The following CDC14A variants were observed in gnomAD, a reference collection of about 807,000 sequenced individuals.
The protein encoded by CDC14A is dual specificity protein phosphatase CDC14A.
In CDC14A, 53 loss-of-function variants were observed where a neutral mutation model predicts 74.4. The ratio of observed to expected loss-of-function variants is 0.71; its 90% confidence interval spans 0.57 to 0.89. The LOEUF (loss-of-function observed/expected upper bound fraction) is 0.89, where lower values mean the gene tolerates loss of function less well. Ranked by LOEUF, CDC14A falls within the 40% of genes least tolerant of loss-of-function variation. The pLI is 0.00. For synonymous variants in CDC14A, 247 were observed against 258.4 expected, an observed-to-expected ratio of 0.96 and a Z score of 0.43; for missense variants, 646 against 713.7, an observed-to-expected ratio of 0.91 and a Z score of 1.08.
At chr1:100,500,811 AGTGT>A (rs58424420) in intron 15 of CDC14A, among the ~76,000 whole-genome samples, 74,856 of 131,002 alleles carry the variant, frequency 0.57, 22,776 homozygotes, top group South Asian at 0.72. Context: ...ATGAGAATGC[AGTGT>A]GTGTGTGTGT....
In CDC14A at chr1:100,518,473, A is replaced by C. The variant is rs139593034; in HGVS notation, c.*193A>C. On this transcript the variant is annotated 3_prime_UTR_variant, in exon 16 of 16. Transcript: ENST00000336454. The stretch of plus-strand genomic sequence containing the variant: ...ACTGGTTAATGACTACTATAAATGC[A>C]CTGAAACTATGTTTATGGAGATTTC... 6.8e-5 allele frequency: 36 copies of C among 531,724 alleles called. No individual in the cohort carries two copies. Among genetic ancestry groups the C allele is most frequent in the African/African-American group, 6.2e-4 (32 of 51,756 alleles). The allele number at this position is 531,724 out of a possible 1,614,324, so 32.9% of individuals were successfully genotyped here.
intron 2 of CDC14A, among the ~76,000 whole-genome samples, chr1:100,358,569 T>C (rs1467221399): frequency 6.6e-6 from 1 of 152,226 alleles, no homozygotes; most frequent in African/African-American, 2.4e-5. Flanking sequence ...GGGACTGAAT[T>C]TTAAGCAGTT....
chr1:100,456,797 G>A (rs1001588626), intron 8 of CDC14A, among the ~76,000 whole-genome samples: 1 of 152,142 alleles, frequency 6.6e-6, no homozygotes, highest in Non-Finnish European at 1.5e-5. Flanking sequence ...AACTCTGCTT[G>A]AATCATGATT....
intron 15 of CDC14A, among the ~76,000 whole-genome samples, chr1:100,500,987 T>C (rs1241176382): frequency 6.6e-6 from 1 of 151,976 alleles, no homozygotes; most frequent in Non-Finnish European, 1.5e-5. Flanking sequence ...CCCTGTCCTA[T>C]TTTACAGGCA....
At chr1:100,369,617 A>C (rs1654151565) in intron 2 of CDC14A, among the ~76,000 whole-genome samples, 1 of 152,020 alleles carries the variant, frequency 6.6e-6, no homozygotes. Flanking sequence ...TATGGATTCT[A>C]GATATTAGAC....
chr1:100,377,632 T>C lies in CDC14A; in HGVS notation c.216+11T>C. On this transcript the variant is annotated intron_variant, in intron 3 of 15. Coordinates refer to ENST00000336454, the MANE Select transcript of CDC14A (RefSeq NM_003672.4). ...AACAAGAAACTAAAAGTGAGTATTG[T>C]AGTGATATTTATAATTTGGAATTAA... is the stretch of plus-strand genomic sequence containing the variant. 1 of 1,582,052 alleles carries C rather than the reference T, an allele frequency of 6.3e-7. No individual in the cohort carries two copies. Among genetic ancestry groups the C allele is most frequent in the Non-Finnish European group, 8.7e-7 (1 of 1,152,080 alleles).
At chr1:100,514,905 A>C (rs1313620388) in intron 15 of CDC14A, among the ~76,000 whole-genome samples, 1 of 152,268 alleles carries the variant, frequency 6.6e-6, no homozygotes, top group Non-Finnish European at 1.5e-5. Context: ...ATGCAAATGC[A>C]ATTTTACTAT....
intron 4 of CDC14A, among the ~76,000 whole-genome samples, chr1:100,412,447 C>T (rs1265937278): frequency 1.3e-5 from 2 of 151,476 alleles, no homozygotes; most frequent in Admixed American, 1.3e-4. Context: ...AAATGAATTA[C>T]CTGGTGTGTA....
intron 2 of CDC14A, among the ~76,000 whole-genome samples, chr1:100,366,567 A>T (rs917763018): frequency 2.6e-5 from 4 of 152,188 alleles, no homozygotes; most frequent in Non-Finnish European, 5.9e-5. Context: ...CCCAGCTTCT[A>T]TGTCCCTTCA....
At chr1:100,352,068 TGAGA>T (rs1302634177), upstream of CDC14A, among the ~76,000 whole-genome samples, 25 of 146,760 alleles carry the variant, frequency 1.7e-4, no homozygotes, top group African/African-American at 4.7e-4. Context: ...AGAAAGAGAA[TGAGA>T]GAGAGAGAGA....
At chr1:100,420,025 C>CATAT (rs201774531) in intron 4 of CDC14A, among the ~76,000 whole-genome samples, 22 of 66,254 alleles carry the variant, frequency 3.3e-4, no homozygotes, top group African/African-American at 1.3e-3. Flanking sequence ...TATATATATA[C>CATAT]ATATATACAC....
intron 9 of CDC14A, among the ~76,000 whole-genome samples, chr1:100,464,309 C>T (rs1251157178): frequency 6.8e-6 from 1 of 147,642 alleles, no homozygotes; most frequent in Admixed American, 6.7e-5. Flanking sequence ...TGTGGGATAT[C>T]TTGTCTCTGG....
rs1668428218 is a variant in CDC14A, at chr1:100,471,824, C to T, written c.977+3730C>T. ...AAGAACCTTGGCTCCTATCTCACAA[C>T]CTATTTTTTAAAGGAATTCCTGATG... On this transcript the variant is annotated intron_variant, in intron 10 of 15. Transcript: ENST00000336454. 2.0e-5 allele frequency among the ~76,000 whole-genome samples: 3 copies of T among 152,184 alleles called. No homozygotes were observed. The South Asian group carries it at 6.2e-4, about 32-fold the overall frequency.
chr1:100,515,458 G>A (rs374499556), intron 15 of CDC14A, among the ~76,000 whole-genome samples: 31 of 149,366 alleles, frequency 2.1e-4, no homozygotes, highest in African/African-American at 7.2e-4. Context: ...ATCTGAGCTC[G>A]CTGCAGTTTC....
At chr1:100,363,906 A>G (rs1299292796) in intron 2 of CDC14A, among the ~76,000 whole-genome samples, 1 of 152,204 alleles carries the variant, frequency 6.6e-6, no homozygotes, top group Non-Finnish European at 1.5e-5. Flanking sequence ...TTCTAATTCC[A>G]CGCTTTGGGA....
intron 15 of CDC14A, among the ~76,000 whole-genome samples, chr1:100,516,994 G>A (rs543501282): frequency 2.0e-5 from 3 of 152,270 alleles, no homozygotes; most frequent in East Asian, 1.9e-4. Context: ...CCTGGTGCAC[G>A]ATGTTAACTT....
chr1:100,428,066 C>T (rs1663168392), intron 5 of CDC14A, among the ~76,000 whole-genome samples: 1 of 152,166 alleles, frequency 6.6e-6, no homozygotes, highest in South Asian at 2.1e-4. Context: ...ACGAAGTTCA[C>T]AGTATGGGTA....
intron 3 of CDC14A, among the ~76,000 whole-genome samples, chr1:100,378,565 T>G (rs1197876749): frequency 6.6e-6 from 1 of 152,210 alleles, no homozygotes; most frequent in African/African-American, 2.4e-5. Flanking sequence ...AGCAGTCTGA[T>G]AGAGAATTTC....
At chr1:100,360,059 C>T (rs915572754) in intron 2 of CDC14A, among the ~76,000 whole-genome samples, 2 of 150,188 alleles carry the variant, frequency 1.3e-5, no homozygotes, top group Non-Finnish European at 3.0e-5. Flanking sequence ...TCTCGTGCCT[C>T]AGCCTCCTGA....
Sources: gnomAD v4.1 joint callset for allele counts (sites outside exome capture counted in the v4.1 genomes callset) on GRCh38, gnomAD v4.1.1 for gene constraint, MANE v1.5 for transcripts, NCBI Gene and HGNC (gene_info 2026-07-23, HGNC 2026-07-21) for gene names.